EML5: variants seen among roughly 807,000 people sequenced by gnomAD.
EML5 encodes the protein EMAP like 5.
A neutral mutation model predicts 250.0 loss-of-function variants in EML5; 120 were observed. That is an observed-to-expected ratio of 0.48 (90% CI 0.41 to 0.56). The LOEUF is 0.56. Among genes scored for constraint, EML5 ranks in the 20% least tolerant of loss-of-function variants. EML5 has a pLI of 0.00. For synonymous variants in EML5, 771 were observed against 806.5 expected (o/e 0.96, Z 0.75); for missense variants, 2,006 against 2,437.6 (o/e 0.82, Z 3.73).
At position 88,736,559 on chromosome 14, in the gene EML5, G is replaced by A. The variant is rs1301741192; in HGVS notation, c.854C>T (p.Ser285Phe). 22 of 1,613,568 alleles carry A rather than the reference G, an allele frequency of 1.4e-5. No homozygotes were observed. Among genetic ancestry groups the A allele is most frequent in the Non-Finnish European group, 1.6e-5 (19 of 1,179,806 alleles). Residue 285 changes from serine (S) to phenylalanine (F), a missense_variant, in exon 7 of 44, where the codon TCT becomes TTT. Transcript: ENST00000554922. ...ACCTCGCCAACACACACTCCTTACA[G>A]ACAAACCTAGTAAAAAGTAAATTGT... ...RETDQGYKGL[S>F]VRSVCWRGDH...
At chr14:88,670,715 A>C (rs965656748) in intron 21 of EML5, among the ~76,000 whole-genome samples, 4 of 152,210 alleles carry the variant, frequency 2.6e-5, no homozygotes, top group African/African-American at 9.7e-5. Context: ...CAGTTTAGAG[A>C]AGAACACAAA....
At chr14:88,664,359 A>C (rs527876629) in intron 23 of EML5, 134 bp downstream of exon 23, 2 of 703,298 alleles carry the variant, frequency 2.8e-6, no homozygotes, top group South Asian at 3.0e-5. Context: ...ATAGTAAAAA[A>C]TAATTTTGAG....
chr14:88,651,480 G>A (rs2091624116), intron 27 of EML5, among the ~76,000 whole-genome samples: 1 of 151,842 alleles, frequency 6.6e-6, no homozygotes, highest in Admixed American at 6.6e-5. Context: ...GTTTTACCGT[G>A]AATGAAGCAG....
chr14:88,665,533 A>G (rs1408480041), intron 21 of EML5, 44 bp from the exon 22 acceptor site: 1 of 1,611,734 alleles, frequency 6.2e-7, no homozygotes, highest in Non-Finnish European at 8.5e-7. Context: ...CTTTTTTCTA[A>G]TTTAAAGTAT....
rs2087253999 is a variant in EML5 at position 88,614,229 on chromosome 14, C to CT, written c.*1588dup. 1 of 152,190 alleles carries CT rather than the reference C, an allele frequency of 6.6e-6. No homozygotes were observed. The highest frequency in any genetic ancestry group is 2.1e-4 in the South Asian group (1 of 4,824). 9.4% of individuals were successfully genotyped at this position (152,190 alleles called of 1,614,324 possible). The stretch of plus-strand genomic sequence containing the variant: ...TTTTTTTCCTCCTTTAATTTATTGA[C>CT]TGACTGTAAATACATGAGTAGAAAC... On this transcript the variant is annotated 3_prime_UTR_variant, in exon 44 of 44. Transcript: ENST00000554922.
chr14:88,687,911 T>A (rs1027562885), intron 18 of EML5, among the ~76,000 whole-genome samples: 1 of 151,920 alleles, frequency 6.6e-6, no homozygotes, highest in African/African-American at 2.4e-5. Context: ...ACCAAAAAAA[T>A]TTTTAAAAAT....
intron 25 of EML5, 149 bp from the exon 26 acceptor site, chr14:88,658,537 G>C (rs1488264383): frequency 7.8e-6 from 5 of 638,600 alleles, no homozygotes; most frequent in Non-Finnish European, 1.3e-5. Context: ...AAACTCAGCA[G>C]AATAAAAGAT....
At chr14:88,662,560 T>TAA (rs1555430096) in intron 24 of EML5, among the ~76,000 whole-genome samples, 7,974 of 144,402 alleles carry the variant, frequency 0.055, 635 homozygotes, top group African/African-American at 0.17. Flanking sequence ...TTTTTTTTTT[T>TAA]AATACAGGGT....
At chr14:88,682,396 G>A (rs1402194503) in intron 20 of EML5, among the ~76,000 whole-genome samples, 1 of 146,512 alleles carries the variant, frequency 6.8e-6, no homozygotes, top group Non-Finnish European at 1.5e-5. Context: ...AGTGAAACTA[G>A]TAAAAATCAA....
At position 88,715,021 on chromosome 14, in the gene EML5, G is replaced by A; in HGVS notation, c.1362C>T (p.Ile454=). 6.2e-7 allele frequency: 1 copy of A among 1,613,848 alleles called. No individual in the cohort carries two copies. Among genetic ancestry groups the A allele is most frequent in the East Asian group, 2.2e-5 (1 of 44,854 alleles). Residue 454 remains isoleucine (I), a synonymous_variant, in exon 9 of 44, where the codon ATC becomes ATT. Coordinates refer to ENST00000554922, the MANE Select transcript of EML5 (RefSeq NM_183387.3). ...VGECLGSLSF[I]THLDWSSDSR... ...TGTCTGAAGACCAGTCCAGATGAGT[G>A]ATGAAACTAAGGGATCCCAAACACT...
At chr14:88,742,119 T>G (rs2093933432) in intron 4 of EML5, among the ~76,000 whole-genome samples, 1 of 152,164 alleles carries the variant, frequency 6.6e-6, no homozygotes, top group African/African-American at 2.4e-5. Context: ...CCAATTGAGA[T>G]GAACTGAGAC....
chr14:88,694,369 G>A lies in EML5; in HGVS notation c.2477C>T (p.Pro826Leu). ...KDKIFVVKMN[P>L]YVPDKLITAG... The stretch of plus-strand genomic sequence containing the variant: ...TGTAATTAGTTTATCAGGCACATAG[G>A]GGTTCATCTTTACAACAAAAATCTT... Residue 826 changes from proline (P) to leucine (L), a missense_variant, in exon 17 of 44, where the codon CCC (proline) becomes CTC (leucine). Pro to Leu is a moderately conservative substitution (Grantham distance 98, BLOSUM62 -3). Transcript: ENST00000554922. The A allele has an allele frequency of 1.3e-6, 2 of 1,593,622 alleles. No homozygotes were observed. Among genetic ancestry groups the A allele is most frequent in the Non-Finnish European group, 8.6e-7 (1 of 1,169,560 alleles).
intron 1 of EML5, among the ~76,000 whole-genome samples, chr14:88,764,552 T>C (rs188095397): frequency 2.0e-4 from 30 of 152,302 alleles, no homozygotes; most frequent in Non-Finnish European, 2.6e-4. Context: ...GAACCAACTT[T>C]AGGTTTTTCT....
chr14:88,731,429 T>C (rs1308040294), intron 7 of EML5, among the ~76,000 whole-genome samples: 1 of 152,152 alleles, frequency 6.6e-6, no homozygotes, highest in Non-Finnish European at 1.5e-5. Flanking sequence ...TAGTATTCCA[T>C]GGTGTATATG....
chr14:88,775,562 G>A (rs903406486), intron 1 of EML5, among the ~76,000 whole-genome samples: 1 of 152,164 alleles, frequency 6.6e-6, no homozygotes. Context: ...GAAGGACTGC[G>A]CCTTGTGGTT....
chr14:88,763,407 G>T (rs2094275933), intron 1 of EML5, among the ~76,000 whole-genome samples: 2 of 152,166 alleles, frequency 1.3e-5, no homozygotes, highest in South Asian at 4.2e-4. Flanking sequence ...AAATCTAGAA[G>T]AACTGGATAA....
intron 2 of EML5, among the ~76,000 whole-genome samples, chr14:88,753,488 G>C (rs1187387781): frequency 6.6e-6 from 1 of 152,228 alleles, no homozygotes; most frequent in Non-Finnish European, 1.5e-5. Context: ...TTAAAAAGCA[G>C]ATAACTAAAA....
Position 88,618,508 on chromosome 14 carries a change from A to C in EML5, c.5538+142T>G, listed in dbSNP as rs575988093. 3 of 1,140,218 alleles carry C rather than the reference A, an allele frequency of 2.6e-6. No individual in the cohort carries two copies. In the East Asian group the frequency reaches 7.7e-5, roughly 29 times the overall value. The allele number at this position is 1,140,218 out of a possible 1,614,324, so 70.6% of individuals were successfully genotyped here. A position where few individuals can be genotyped will look rare whatever the true frequency, so the allele number is the denominator to read the frequency against. ...AAAGCTCTGATAAGTGGGGGAGGAA[A>C]GGGGAGCTGTAGGTCAGAAGGTACA... is the stretch of plus-strand genomic sequence containing the variant. On this transcript the variant is annotated intron_variant, in intron 40 of 43. Transcript: ENST00000554922.
intron 1 of EML5, among the ~76,000 whole-genome samples, chr14:88,783,594 T>C (rs2094520454): frequency 6.6e-6 from 1 of 152,028 alleles, no homozygotes; most frequent in African/African-American, 2.4e-5. Flanking sequence ...GACAAAGGGG[T>C]CAATTCAGCA....
Sources: allele counts gnomAD v4.1 joint callset (sites outside exome capture counted in the v4.1 genomes callset), GRCh38; gene constraint gnomAD v4.1.1; transcripts MANE v1.5; gene names NCBI Gene and HGNC (gene_info 2026-07-23, HGNC 2026-07-21).